Variants in FHIT observed in about 807,000 individuals in gnomAD.
FHIT encodes the protein fragile histidine triad diadenosine triphosphatase.
FHIT carries 19 observed loss-of-function variants against 17.9 expected under a neutral mutation model. The observed-to-expected ratio is 1.06, with a 90% CI of 0.74 to 1.56. The LOEUF is 1.56. Ranked by LOEUF, FHIT falls within the 40% of genes most tolerant of loss-of-function variation. The pLI is 0.00. For missense variants in FHIT, 248 were observed against 189.2 expected (o/e 1.31, Z -1.82); for synonymous variants, 81 against 69.7 (o/e 1.16, Z -0.81).
In FHIT at chr3:60,928,669, G is replaced by T. The variant is rs146829059; in HGVS notation, c.-110-106658C>A. ...CACCCTCCCAAGACTAAACCAGGAA[G>T]AAGTTGAATCTCTGAATAGACCAAT... is the stretch of plus-strand genomic sequence containing the variant. On this transcript the variant is annotated intron_variant, in intron 3 of 9. Transcript: ENST00000492590. Among the ~76,000 whole-genome samples, 2,197 of 150,942 alleles carry T rather than the reference G, an allele frequency of 0.015. 274 individuals carry two copies. In the East Asian group the frequency reaches 0.31, roughly 21 times the overall value.
intron 5 of FHIT, among the ~76,000 whole-genome samples, chr3:60,197,862 C>A (rs1466797308): frequency 6.6e-6 from 1 of 152,050 alleles, no homozygotes; most frequent in Non-Finnish European, 1.5e-5. Context: ...TTCAAGGCTC[C>A]CATGAAACCA....
intron 8 of FHIT, among the ~76,000 whole-genome samples, chr3:59,915,645 C>G (rs1445574953): frequency 6.6e-6 from 1 of 152,182 alleles, no homozygotes; most frequent in East Asian, 1.9e-4. Context: ...CTCATTTGCT[C>G]AGCTCTAGCC....
chr3:60,262,735 T>G (rs1370419845), intron 5 of FHIT, among the ~76,000 whole-genome samples: 2 of 151,862 alleles, frequency 1.3e-5, no homozygotes, highest in Non-Finnish European at 2.9e-5. Context: ...CTGACTGAAA[T>G]TCCCTGACGG....
chr3:61,176,557 T>C (rs997613605), intron 2 of FHIT, among the ~76,000 whole-genome samples: 5 of 152,228 alleles, frequency 3.3e-5, no homozygotes, highest in African/African-American at 1.2e-4. Context: ...TTATACTTTA[T>C]AAAGCTTTTT....
At chr3:59,774,843 G>A (rs1360546551) in intron 8 of FHIT, among the ~76,000 whole-genome samples, 1 of 152,180 alleles carries the variant, frequency 6.6e-6, no homozygotes, top group Non-Finnish European at 1.5e-5. Flanking sequence ...AAGTGGCCAG[G>A]ACTTGAATGT....
At chr3:61,232,575 C>T (rs2040134073) in intron 1 of FHIT, among the ~76,000 whole-genome samples, 1 of 152,114 alleles carries the variant, frequency 6.6e-6, no homozygotes, top group Non-Finnish European at 1.5e-5. Context: ...AGGGGAGGAC[C>T]AGGGAGGTCT....
chr3:60,757,749 AG>A (rs1406920647), intron 4 of FHIT, among the ~76,000 whole-genome samples: 1 of 152,230 alleles, frequency 6.6e-6, no homozygotes, highest in Admixed American at 6.5e-5. Context: ...TGTAAGCACA[AG>A]AGAAAGCTGT....
At chr3:60,005,742 T>C (rs1272474839) in intron 7 of FHIT, among the ~76,000 whole-genome samples, 1 of 152,226 alleles carries the variant, frequency 6.6e-6, no homozygotes, top group African/African-American at 2.4e-5. Context: ...CTGTTCACCA[T>C]GGCTGTAATG....
At chr3:60,181,297 C>T (rs1427583599) in intron 5 of FHIT, among the ~76,000 whole-genome samples, 6 of 151,996 alleles carry the variant, frequency 3.9e-5, no homozygotes, top group Non-Finnish European at 8.8e-5. Flanking sequence ...AGGTGCCCAC[C>T]ACCACATCTG....
At chr3:59,873,180 A>T (rs1486097510) in intron 8 of FHIT, among the ~76,000 whole-genome samples, 1 of 152,102 alleles carries the variant, frequency 6.6e-6, no homozygotes, top group Non-Finnish European at 1.5e-5. Flanking sequence ...TCCAGTAATT[A>T]TCCATTCCAA....
chr3:61,225,265 T>A (rs1163794543), intron 1 of FHIT, among the ~76,000 whole-genome samples: 4 of 152,256 alleles, frequency 2.6e-5, no homozygotes, highest in Non-Finnish European at 5.9e-5. Flanking sequence ...GGAGTTGCTA[T>A]GAGTAGTTTC....
At chr3:59,770,964 T>C (rs17061180) in intron 8 of FHIT, among the ~76,000 whole-genome samples, 50,407 of 152,146 alleles carry the variant, frequency 0.33, 9,148 homozygotes, top group East Asian at 0.54. Flanking sequence ...GCTTCTAAGG[T>C]AAAAGTCAAG....
intron 2 of FHIT, among the ~76,000 whole-genome samples, chr3:61,149,565 A>T (rs890159959): frequency 6.6e-6 from 1 of 152,094 alleles, no homozygotes; most frequent in African/African-American, 2.4e-5. Flanking sequence ...CCAAAGTAAA[A>T]TTATTTTTAT....
intron 5 of FHIT, among the ~76,000 whole-genome samples, chr3:60,291,929 T>C (rs1175538899): frequency 6.6e-6 from 1 of 152,138 alleles, no homozygotes; most frequent in Non-Finnish European, 1.5e-5. Flanking sequence ...CCATGGAGTC[T>C]GGCCCTGTCC....
At chr3:60,685,793 A>G (rs2040849027) in intron 4 of FHIT, among the ~76,000 whole-genome samples, 1 of 152,236 alleles carries the variant, frequency 6.6e-6, no homozygotes, top group Admixed American at 6.5e-5. Flanking sequence ...CATTGAAATT[A>G]CATCTACCTG....
Position 59,752,344 on chromosome 3 carries a change from A to T in FHIT, c.349-23T>A, listed in dbSNP as rs777588291. 8 of 1,589,770 alleles carry T rather than the reference A, an allele frequency of 5.0e-6. No homozygotes were observed. In the East Asian group the frequency reaches 1.8e-4, roughly 36 times the overall value. ...GAGCTTTGGAGAAAAAAAAAGGAAG[A>T]GGCTCTTTCATGGGCCCTTGGGATC... On this transcript the variant is annotated intron_variant, in intron 8 of 9. Transcript: ENST00000492590.
chr3:60,238,126 C>T (rs1157785133), intron 5 of FHIT, among the ~76,000 whole-genome samples: 4 of 125,832 alleles, frequency 3.2e-5, no homozygotes, highest in Admixed American at 2.1e-4. Flanking sequence ...AGCCTGGCAC[C>T]AAGCGAGACT....
chr3:60,895,563 T>C (rs1705748036), intron 3 of FHIT, among the ~76,000 whole-genome samples: 1 of 152,184 alleles, frequency 6.6e-6, no homozygotes, highest in Non-Finnish European at 1.5e-5. Context: ...AAAGTGATTT[T>C]TCTAACTCTA....
intron 4 of FHIT, among the ~76,000 whole-genome samples, chr3:60,666,862 TTC>T (rs1397244869): frequency 2.5e-4 from 10 of 40,180 alleles, no homozygotes; most frequent in African/African-American, 7.9e-4. Context: ...TTCTTTTCTT[TTC>T]TTTTTTTTTT....
Sources: allele counts gnomAD v4.1 joint callset (sites outside exome capture counted in the v4.1 genomes callset), GRCh38; gene constraint gnomAD v4.1.1; transcripts MANE v1.5; gene names NCBI Gene and HGNC (gene_info 2026-07-23, HGNC 2026-07-21).